The following CDH13 variants were observed in gnomAD, a reference collection of about 807,000 sequenced individuals.
CDH13 encodes cadherin 13, also known as cadherin-13.
In CDH13, 24 loss-of-function variants were observed where a neutral mutation model predicts 63.8. That is an observed-to-expected ratio of 0.38 (90% CI 0.27 to 0.53). CDH13 has a LOEUF of 0.53. Among genes scored for constraint, CDH13 ranks in the 20% least tolerant of loss-of-function variants. The pLI is 0.85. For synonymous variants in CDH13, 503 were observed against 355.3 expected (o/e 1.42, Z -4.67); for missense variants, 1,049 against 903.1 (o/e 1.16, Z -2.07).
chr16:83,305,169 G>T (rs572943498), intron 5 of CDH13, among the ~76,000 whole-genome samples: 1 of 152,124 alleles, frequency 6.6e-6, no homozygotes, highest in Non-Finnish European at 1.5e-5. Flanking sequence ...GAGTTGGTGG[G>T]GCTCTCCTTG....
chr16:83,554,899 G>A (rs1008732130), intron 7 of CDH13, among the ~76,000 whole-genome samples: 26 of 148,804 alleles, frequency 1.7e-4, no homozygotes, highest in African/African-American at 5.9e-4. Context: ...TATTCCCATT[G>A]CAATGCCCTA....
chr16:83,416,959 G>A, intron 6 of CDH13, among the ~76,000 whole-genome samples: 1 of 152,130 alleles, frequency 6.6e-6, no homozygotes, highest in East Asian at 1.9e-4. Flanking sequence ...GTACTGTTTA[G>A]CTATCAGCCA....
At position 83,783,511 on chromosome 16, in the gene CDH13, A is replaced by G. The variant is rs764372981; in HGVS notation, c.2134+39A>G. Reference sequence around the variant, plus strand: ...ACTCCAGTGCATGCACAAACAGGAAATTGTAACTTCACTGGGTTCGTGAAG... The same window carrying G: ...ACTCCAGTGCATGCACAAACAGGAAGTTGTAACTTCACTGGGTTCGTGAAG... On this transcript the variant is annotated intron_variant, in intron 13 of 13. Transcript: ENST00000567109. The G allele has an allele frequency of 2.0e-6, 3 of 1,499,660 alleles. No homozygotes were observed. In the Admixed American group the frequency reaches 5.0e-5, roughly 25 times the overall value. The allele number at this position is 1,499,660 out of a possible 1,614,324, so 92.9% of individuals were successfully genotyped here. A position where few individuals can be genotyped will look rare whatever the true frequency, so the allele number is the denominator to read the frequency against.
chr16:83,478,240 C>G (rs1157006273), intron 6 of CDH13, among the ~76,000 whole-genome samples: 2 of 152,042 alleles, frequency 1.3e-5, no homozygotes, highest in African/African-American at 4.8e-5. Flanking sequence ...AGCTAAAAGG[C>G]AGCTGCCGCC....
At chr16:82,854,552 ATG>A (rs1395606073) in intron 1 of CDH13, among the ~76,000 whole-genome samples, 1 of 152,196 alleles carries the variant, frequency 6.6e-6, no homozygotes, top group African/African-American at 2.4e-5. Flanking sequence ...AATTTCAGTG[ATG>A]TGTTACATGA....
At chr16:83,038,826 C>G (rs986567865) in intron 3 of CDH13, among the ~76,000 whole-genome samples, 1 of 152,204 alleles carries the variant, frequency 6.6e-6, no homozygotes, top group Non-Finnish European at 1.5e-5. Flanking sequence ...AGTAAAAACA[C>G]CATACTTACT....
chr16:83,708,791 G>A (rs191706843), intron 10 of CDH13, among the ~76,000 whole-genome samples: 241 of 152,340 alleles, frequency 1.6e-3, no homozygotes, highest in Middle Eastern at 3.4e-3. Context: ...TTGGGAGGCT[G>A]AGGTTGGTGG....
intron 5 of CDH13, among the ~76,000 whole-genome samples, chr16:83,330,492 C>T (rs1016569436): frequency 5.3e-5 from 8 of 152,118 alleles, no homozygotes; most frequent in Admixed American, 1.3e-4. Context: ...GGCATTGTTC[C>T]GAAGGAGAAA....
Position 82,807,942 on chromosome 16 carries a change from T to C in CDH13, c.46-50420T>C, listed in dbSNP as rs138863259. 7.2e-5 allele frequency among the ~76,000 whole-genome samples: 11 copies of C among 152,292 alleles called. No homozygotes were observed. In the East Asian group the frequency reaches 2.1e-3, roughly 29 times the overall value. ...TTTCCTTAAAACGATCAAAGGGAAT[T>C]GGTTATTATCCAAGGTCAACTTATT... On this transcript the variant is annotated intron_variant, in intron 1 of 13. Coordinates refer to ENST00000567109, the MANE Select transcript of CDH13 (RefSeq NM_001257.5).
At chr16:82,909,542 C>T (rs1304718020) in intron 2 of CDH13, among the ~76,000 whole-genome samples, 4 of 148,930 alleles carry the variant, frequency 2.7e-5, no homozygotes, top group Non-Finnish European at 4.6e-5. Context: ...AACTGACTAA[C>T]AGTTCCACAT....
intron 1 of CDH13, among the ~76,000 whole-genome samples, chr16:82,700,955 GCCCCCCCCCC>G (rs572286316): frequency 9.6e-5 from 1 of 10,428 alleles, no homozygotes; most frequent in Admixed American, 1.7e-3. Flanking sequence ...GCTGGAACCC[GCCCCCCCCCC>G]CCCCCCCCCG....
At chr16:83,601,894 A>G (rs1025640681) in intron 7 of CDH13, among the ~76,000 whole-genome samples, 1 of 151,920 alleles carries the variant, frequency 6.6e-6, no homozygotes, top group African/African-American at 2.4e-5. Flanking sequence ...GGAGTTCAAG[A>G]CCAGCCTGAC....
At chr16:83,073,205 C>A (rs765488176) in intron 3 of CDH13, among the ~76,000 whole-genome samples, 1 of 152,054 alleles carries the variant, frequency 6.6e-6, no homozygotes, top group Non-Finnish European at 1.5e-5. Context: ...GATTTGAGTA[C>A]AGGTCGTCTG....
intron 6 of CDH13, among the ~76,000 whole-genome samples, chr16:83,348,896 A>G (rs2090894460): frequency 6.6e-6 from 1 of 152,234 alleles, no homozygotes; most frequent in Non-Finnish European, 1.5e-5. Context: ...TTATTCTGGA[A>G]GAGTACCCTT....
At position 83,282,489 on chromosome 16, in the gene CDH13, C is replaced by G. The variant is rs114095424; in HGVS notation, c.637-62373C>G. ...CGTTGGACCAGAGAGGGCTAGTAAG[C>G]AAGGCTCCAACCCAAAAAATAGTAA... On this transcript the variant is annotated intron_variant, in intron 5 of 13. Transcript: ENST00000567109. 4.3e-3 allele frequency among the ~76,000 whole-genome samples: 650 copies of G among 152,168 alleles called. 4 individuals carry two copies. The highest frequency in any genetic ancestry group is 0.015 in the African/African-American group (618 of 41,458).
intron 1 of CDH13, among the ~76,000 whole-genome samples, chr16:82,854,612 G>T (rs566115572): frequency 6.6e-6 from 1 of 152,212 alleles, no homozygotes; most frequent in East Asian, 1.9e-4. Flanking sequence ...AGAGTGTGCT[G>T]GTTTAAAAGA....
chr16:83,643,511 G>A (rs1911504211), intron 8 of CDH13, among the ~76,000 whole-genome samples: 1 of 152,224 alleles, frequency 6.6e-6, no homozygotes, highest in Admixed American at 6.5e-5. Context: ...TCTTTGGTGA[G>A]GATCAAATGA....
intron 5 of CDH13, among the ~76,000 whole-genome samples, chr16:83,307,943 A>AT (rs2089916611): frequency 6.6e-6 from 1 of 152,136 alleles, no homozygotes; most frequent in African/African-American, 2.4e-5. Context: ...CAAAATATGT[A>AT]TTTTTTATGA....
At chr16:83,659,868 C>T (rs1198452175) in intron 8 of CDH13, among the ~76,000 whole-genome samples, 1 of 148,970 alleles carries the variant, frequency 6.7e-6, no homozygotes, top group African/African-American at 2.5e-5. Context: ...CTCACTGCAA[C>T]CTCCACCTCC....
Sources: allele counts gnomAD v4.1 joint callset (sites outside exome capture counted in the v4.1 genomes callset), GRCh38; gene constraint gnomAD v4.1.1; transcripts MANE v1.5; gene names NCBI Gene and HGNC (gene_info 2026-07-23, HGNC 2026-07-21).